The following RAB19 variants were observed in gnomAD, a reference collection of about 807,000 sequenced individuals.
The protein encoded by RAB19 is RAB19, member RAS oncogene family.
RAB19 carries 21 observed loss-of-function variants against 17.3 expected under a neutral mutation model. That is an observed-to-expected ratio of 1.21 (90% confidence interval 0.86 to 1.74). The LOEUF (loss-of-function observed/expected upper bound fraction) is 1.74. RAB19 is among the 40% of genes most tolerant of loss of function. The pLI is 0.00. For missense variants in RAB19, 277 were observed against 286.8 expected (o/e 0.97, Z 0.25); for synonymous variants, 126 against 110.4 (o/e 1.14, Z -0.88).
At chr7:140,408,253 C>T (rs1426942464) in intron 2 of RAB19, among the ~76,000 whole-genome samples, 1 of 151,714 alleles carries the variant, frequency 6.6e-6, no homozygotes, top group Non-Finnish European at 1.5e-5. Flanking sequence ...GATTTCAGTA[C>T]AAAACATGAA....
At chr7:140,412,089 TTACTC>T (rs1165787506) in intron 3 of RAB19, 32 bp downstream of exon 3, 1 of 1,582,894 alleles carries the variant, frequency 6.3e-7, no homozygotes, top group Non-Finnish European at 8.6e-7. Flanking sequence ...TAACTTTTGT[TTACTC>T]TCCTCTGAGG....
chr7:140,414,817 C>T lies in RAB19; in HGVS notation c.385+2760C>T, dbSNP rs138030329. Among the ~76,000 whole-genome samples, 9 of 152,272 alleles carry T rather than the reference C, an allele frequency of 5.9e-5. No homozygotes were observed. The East Asian group carries it at 1.4e-3, about 23-fold the overall frequency. ...CACTTTATCAGCACAGGAATGACCC[C>T]GGTGTCAGGGGTTGATTGCATGTTG... On this transcript the variant is annotated intron_variant, in intron 3 of 3. Coordinates refer to ENST00000537763, the MANE Select transcript of RAB19 (RefSeq NM_001008749.3).
intron 2 of RAB19, 23 bp from the exon 3 acceptor site, chr7:140,411,851 C>A: frequency 6.2e-7 from 1 of 1,614,088 alleles, no homozygotes; most frequent in Non-Finnish European, 8.5e-7. Flanking sequence ...CTGATTTGGA[C>A]TCTCCTTCCT....
chr7:140,409,992 C>CAAAAA (rs760964553), intron 2 of RAB19, among the ~76,000 whole-genome samples: 6 of 94,186 alleles, frequency 6.4e-5, no homozygotes, highest in East Asian at 2.9e-4. Flanking sequence ...GACTCCGTCT[C>CAAAAA]AAAAAAAAAA....
In RAB19 at chr7:140,411,952, A is replaced by T. The variant is rs367914337; in HGVS notation, c.280A>T (p.Ile94Phe). 7 of 1,614,212 alleles carry T rather than the reference A, an allele frequency of 4.3e-6. No individual in the cohort carries two copies. The Admixed American group carries it at 1.2e-4, about 27-fold the overall frequency. The change falls in exon 3 of 4, where the codon ATC becomes TTC. Residue 94 changes from isoleucine to phenylalanine, a missense_variant. Coordinates refer to ENST00000537763, the MANE Select transcript of RAB19 (RefSeq NM_001008749.3). The stretch of plus-strand genomic sequence containing the variant: ...CTACTACCGCAGTGCCCACGCAGCC[A>T]TCATCGCCTATGACCTCACCCGGCG... Reference protein sequence around the residue: ...QSYYRSAHAAIIAYDLTRRST... With the variant: ...QSYYRSAHAAFIAYDLTRRST...
chr7:140,409,342 C>T (rs182001005), intron 2 of RAB19, among the ~76,000 whole-genome samples: 6 of 151,298 alleles, frequency 4.0e-5, no homozygotes, highest in South Asian at 2.1e-4. Flanking sequence ...CCAGCCTAGG[C>T]GACAGAGTGA....
intron 3 of RAB19, among the ~76,000 whole-genome samples, chr7:140,416,437 A>G (rs942791715): frequency 1.3e-5 from 2 of 152,184 alleles, no homozygotes; most frequent in Non-Finnish European, 2.9e-5. Flanking sequence ...GCTGCCCAGG[A>G]GTGGAGTTTC....
rs993745689 is a variant in RAB19 at position 140,411,759 on chromosome 7, C to T, written c.202-115C>T. 1.0e-5 allele frequency: 16 copies of T among 1,588,706 alleles called. No individual in the cohort carries two copies. The African/African-American group carries it at 1.3e-4, about 13-fold the overall frequency. ...GGGTCCCACCCCAGATCTACTGGGT[C>T]TGAATATCTAGAAGTGAGACCCAGA... is the stretch of plus-strand genomic sequence containing the variant. On this transcript the variant is annotated intron_variant, in intron 2 of 3. Coordinates refer to ENST00000537763, the MANE Select transcript of RAB19 (RefSeq NM_001008749.3).
At chr7:140,424,215 T>C (rs1799611823) in intron 3 of RAB19, among the ~76,000 whole-genome samples, 1 of 148,038 alleles carries the variant, frequency 6.8e-6, no homozygotes, top group South Asian at 2.1e-4. Context: ...TGGAGTGCAA[T>C]AGTGCGATCT....
chr7:140,409,554 G>C (rs1476851759), intron 2 of RAB19, among the ~76,000 whole-genome samples: 1 of 151,846 alleles, frequency 6.6e-6, no homozygotes, highest in Non-Finnish European at 1.5e-5. Context: ...AAAATTAACC[G>C]GGCGTGGTGG....
intron 1 of RAB19, among the ~76,000 whole-genome samples, chr7:140,406,692 T>C (rs1585411529): frequency 6.6e-6 from 1 of 151,940 alleles, no homozygotes; most frequent in Admixed American, 6.6e-5. Flanking sequence ...TAACCAGCCT[T>C]TGGTAAAATA....
intron 2 of RAB19, among the ~76,000 whole-genome samples, chr7:140,409,557 C>T (rs745807069): frequency 1.3e-5 from 2 of 151,910 alleles, no homozygotes; most frequent in East Asian, 1.9e-4. Flanking sequence ...ATTAACCGGG[C>T]GTGGTGGCAC....
intron 3 of RAB19, among the ~76,000 whole-genome samples, chr7:140,417,952 C>T (rs1799489484): frequency 6.6e-6 from 1 of 152,188 alleles, no homozygotes; most frequent in Non-Finnish European, 1.5e-5. Flanking sequence ...AAATTAATCA[C>T]ACCTGCAAAG....
At chr7:140,407,879 CCTTTTTT>C in intron 2 of RAB19, 32 bp downstream of exon 2, 101 of 848,132 alleles carry the variant, frequency 1.2e-4, no homozygotes, top group Non-Finnish European at 1.4e-4. Flanking sequence ...ACTGGTTCCA[CCTTTTTT>C]TTTTTTTTTT....
Position 140,407,718 on chromosome 7 carries a change from G to A in RAB19, c.72G>A (p.Gly24=), listed in dbSNP as rs1799269658. 6.2e-7 allele frequency: 1 copy of A among 1,613,698 alleles called. No homozygotes were observed. Among genetic ancestry groups the A allele is most frequent in the Admixed American group, 1.7e-5 (1 of 59,962 alleles). The change falls in exon 2 of 4, where the codon GGG becomes GGA. Residue 24 remains glycine (G), a synonymous_variant. Transcript: ENST00000537763. ...FDYLFKIILI[G]DSNVGKTCVV... ...ATTTGTTCAAGATTATCCTCATTGGGGATTCCAATGTGGGGAAGACGTGTG... is the reference window on the plus strand; with the variant it reads ...ATTTGTTCAAGATTATCCTCATTGGAGATTCCAATGTGGGGAAGACGTGTG...
intron 1 of RAB19, among the ~76,000 whole-genome samples, chr7:140,406,708 T>C (rs1015375404): frequency 4.0e-5 from 6 of 151,830 alleles, no homozygotes; most frequent in Non-Finnish European, 8.8e-5. Flanking sequence ...AAATATGCCA[T>C]AACATTATAG....
intron 3 of RAB19, among the ~76,000 whole-genome samples, chr7:140,415,853 T>C (rs111415111): frequency 5.3e-5 from 8 of 150,012 alleles, no homozygotes; most frequent in Middle Eastern, 3.5e-3. Flanking sequence ...TGCAGTGAGC[T>C]GAGATCACAC....
chr7:140,405,504 G>A (rs952037833), intron 1 of RAB19, among the ~76,000 whole-genome samples: 14 of 151,698 alleles, frequency 9.2e-5, no homozygotes, highest in Non-Finnish European at 1.8e-4. Context: ...TTACAGGTGT[G>A]AGCCACTGCC....
At chr7:140,417,962 G>A (rs1221684649) in intron 3 of RAB19, among the ~76,000 whole-genome samples, 1 of 152,146 alleles carries the variant, frequency 6.6e-6, no homozygotes, top group African/African-American at 2.4e-5. Context: ...CACCTGCAAA[G>A]ACCCTGTTAG....
Sources: gnomAD v4.1 joint callset for allele counts (sites outside exome capture counted in the v4.1 genomes callset) on GRCh38, gnomAD v4.1.1 for gene constraint, MANE v1.5 for transcripts, NCBI Gene and HGNC (gene_info 2026-07-23, HGNC 2026-07-21) for gene names.